The following MRTFA variants were observed in gnomAD, a reference collection of about 807,000 sequenced individuals.
MRTFA encodes the protein myocardin related transcription factor A.
In MRTFA, 20 loss-of-function variants were observed where a neutral mutation model predicts 83.5. That is an observed-to-expected ratio of 0.24 (90% confidence interval 0.17 to 0.35). The LOEUF (loss-of-function observed/expected upper bound fraction) is 0.35, where lower values mean the gene tolerates loss of function less well. MRTFA is among the 10% of genes least tolerant of loss of function. The probability of loss-of-function intolerance (pLI) is 1.00; values close to 1 mark genes in which losing one functional copy is unlikely to be tolerated. For synonymous variants in MRTFA, 659 were observed against 541.2 expected (o/e 1.22, Z -3.02); for missense variants, 1,200 against 1,224.7 (o/e 0.98, Z 0.30).
chr22:40,532,743 A>G (rs1315701881), intron 3 of MRTFA, among the ~76,000 whole-genome samples: 1 of 152,212 alleles, frequency 6.6e-6, no homozygotes, highest in African/African-American at 2.4e-5. Flanking sequence ...CAGAGACAGT[A>G]TCTGCCAGAA....
intron 3 of MRTFA, among the ~76,000 whole-genome samples, chr22:40,510,696 G>A (rs1286432037): frequency 1.3e-5 from 2 of 152,062 alleles, no homozygotes; most frequent in Non-Finnish European, 2.9e-5. Flanking sequence ...AGACCTGCTA[G>A]GAATGAAAAT....
intron 3 of MRTFA, among the ~76,000 whole-genome samples, chr22:40,513,087 A>C (rs2054694704): frequency 6.6e-6 from 1 of 152,224 alleles, no homozygotes; most frequent in Non-Finnish European, 1.5e-5. Context: ...CTTTCATCCC[A>C]CTACCACCAC....
intron 1 of MRTFA, among the ~76,000 whole-genome samples, chr22:40,611,756 A>G (rs2056390604): frequency 6.6e-6 from 1 of 152,190 alleles, no homozygotes; most frequent in South Asian, 2.1e-4. Flanking sequence ...ATGACCTATA[A>G]AAGTCTACAT....
At chr22:40,480,551 A>G (rs1000558626) in intron 3 of MRTFA, among the ~76,000 whole-genome samples, 4 of 152,234 alleles carry the variant, frequency 2.6e-5, no homozygotes, top group Non-Finnish European at 5.9e-5. Flanking sequence ...TGGAACATGT[A>G]GAGTATATGA....
Position 40,423,883 on chromosome 22 carries a change from G to A in MRTFA, c.778-198C>T, listed in dbSNP as rs76567844. 9.0e-3 allele frequency among the ~76,000 whole-genome samples: 1,369 copies of A among 152,286 alleles called. 16 individuals are homozygous for A. Among genetic ancestry groups the A allele is most frequent in the African/African-American group, 0.031 (1,301 of 41,544 alleles). On this transcript the variant is annotated intron_variant, in intron 8 of 14. Coordinates refer to ENST00000355630, the MANE Select transcript of MRTFA (RefSeq NM_020831.6). ...AGGAAAGAGAGAAGGCAATGAAAAG[G>A]TCACAGAACTGAATATACTCAAGAA... is the stretch of plus-strand genomic sequence containing the variant.
chr22:40,583,001 C>T (rs1011164819), intron 2 of MRTFA, among the ~76,000 whole-genome samples: 6 of 152,106 alleles, frequency 3.9e-5, no homozygotes, highest in African/African-American at 1.4e-4. Context: ...ATTTAGAGCA[C>T]ATCCATGTCT....
chr22:40,420,973 GC>G lies in MRTFA; in HGVS notation c.1054del (p.Ala352HisfsTer85). The G allele has an allele frequency of 6.2e-7, 1 of 1,612,450 alleles. No homozygotes were observed. Among genetic ancestry groups the G allele is most frequent in the Non-Finnish European group, 8.5e-7 (1 of 1,178,844 alleles). ...GGCGTAGGATGAGTCCATGGGGGGT[GC>G]CCCCCTGTCCTGCTTCTGGTCCGGG... On this transcript the variant is annotated frameshift_variant, in exon 10 of 15. Coordinates refer to ENST00000355630, the MANE Select transcript of MRTFA (RefSeq NM_020831.6). LOFTEE classifies it high-confidence loss of function.
intron 2 of MRTFA, among the ~76,000 whole-genome samples, chr22:40,573,527 T>C (rs1288622004): frequency 6.6e-6 from 1 of 152,102 alleles, no homozygotes; most frequent in Non-Finnish European, 1.5e-5. Flanking sequence ...AGTGATGGGA[T>C]TACAGGCATG....
chr22:40,495,411 C>G (rs1274682269), intron 3 of MRTFA, among the ~76,000 whole-genome samples: 6 of 149,046 alleles, frequency 4.0e-5, no homozygotes, highest in African/African-American at 1.5e-4. Context: ...GAGATTGCGC[C>G]ACTGCACTCC....
At chr22:40,506,160 G>C (rs1342514018) in intron 3 of MRTFA, among the ~76,000 whole-genome samples, 1 of 152,098 alleles carries the variant, frequency 6.6e-6, no homozygotes, top group African/African-American at 2.4e-5. Context: ...TGTGAACCCG[G>C]GAGGCGGAGC....
At chr22:40,635,076 C>T (rs1213731557) in intron 1 of MRTFA, among the ~76,000 whole-genome samples, 1 of 152,146 alleles carries the variant, frequency 6.6e-6, no homozygotes, top group Non-Finnish European at 1.5e-5. Context: ...TAATGGATTG[C>T]TTCTTTCTAA....
chr22:40,472,348 C>T (rs928065360), intron 3 of MRTFA, among the ~76,000 whole-genome samples: 2 of 152,170 alleles, frequency 1.3e-5, no homozygotes, highest in African/African-American at 4.8e-5. Flanking sequence ...GTTCGTGATG[C>T]CAATGATAGA....
chr22:40,536,020 T>C (rs958743120), intron 3 of MRTFA, among the ~76,000 whole-genome samples: 10 of 151,796 alleles, frequency 6.6e-5, no homozygotes, highest in Non-Finnish European at 1.3e-4. Context: ...ACAGTAATCT[T>C]TAAAAAATTA....
intron 3 of MRTFA, among the ~76,000 whole-genome samples, chr22:40,471,219 TAAAAAA>T (rs61206773): frequency 9.4e-5 from 4 of 42,670 alleles, no homozygotes; most frequent in African/African-American, 4.1e-4. Context: ...CTGTTTCTAT[TAAAAAA>T]AAAAAAAAAA....
intron 3 of MRTFA, among the ~76,000 whole-genome samples, chr22:40,490,475 T>C (rs1054435169): frequency 5.9e-5 from 9 of 151,964 alleles, no homozygotes; most frequent in Non-Finnish European, 1.3e-4. Flanking sequence ...GGTGGGTACC[T>C]GTAGTCCCAG....
In MRTFA at chr22:40,445,417, C is replaced by T. The variant is rs1380075470; in HGVS notation, c.308-9863G>A. On this transcript the variant is annotated intron_variant, in intron 4 of 14. Transcript: ENST00000355630. ...TCTTACATAACTAAGATACTTTTATCGCACCTGAAAAAATTAATTCAATAT... is the reference window on the plus strand; with the variant it reads ...TCTTACATAACTAAGATACTTTTATTGCACCTGAAAAAATTAATTCAATAT... 3.0e-4 allele frequency among the ~76,000 whole-genome samples: 46 copies of T among 152,182 alleles called. 1 individual carries two copies. The highest frequency in any genetic ancestry group is 2.8e-3 in the Admixed American group (43 of 15,262).
chr22:40,610,657 G>A (rs570161981), intron 1 of MRTFA, among the ~76,000 whole-genome samples: 5 of 152,002 alleles, frequency 3.3e-5, no homozygotes, highest in Non-Finnish European at 5.9e-5. Flanking sequence ...ATATTATTCA[G>A]CTTCATACTA....
chr22:40,435,828 G>C (rs1158128940), intron 4 of MRTFA, among the ~76,000 whole-genome samples: 5 of 151,952 alleles, frequency 3.3e-5, no homozygotes, highest in Admixed American at 3.3e-4. Context: ...CCAGCTACAA[G>C]GGAGGCTGAG....
intron 3 of MRTFA, among the ~76,000 whole-genome samples, chr22:40,518,062 C>T (rs893901710): frequency 6.6e-6 from 1 of 152,152 alleles, no homozygotes; most frequent in African/African-American, 2.4e-5. Flanking sequence ...CATCACATAA[C>T]CCCCTCATAG....
Sources: gnomAD v4.1 joint callset for allele counts (sites outside exome capture counted in the v4.1 genomes callset) on GRCh38, gnomAD v4.1.1 for gene constraint, MANE v1.5 for transcripts, NCBI Gene and HGNC (gene_info 2026-07-23, HGNC 2026-07-21) for gene names.